UBR3: variants seen among roughly 807,000 people sequenced by gnomAD.
The protein encoded by UBR3 is E3 ubiquitin-protein ligase UBR3.
Under a neutral mutation model 243.2 loss-of-function variants are expected in UBR3, and 85 were observed. The ratio of observed to expected loss-of-function variants is 0.35; its 90% confidence interval spans 0.29 to 0.42. The LOEUF is 0.42. Ranked by LOEUF, UBR3 falls within the 10% of genes least tolerant of loss-of-function variation. The probability of loss-of-function intolerance (pLI) is 1.00; values close to 1 mark genes in which losing one functional copy is unlikely to be tolerated. For missense variants in UBR3, 1,686 were observed against 2,300.8 expected (o/e 0.73, Z 5.47); for synonymous variants, 748 against 799.8 (o/e 0.94, Z 1.09).
intron 5 of UBR3, among the ~76,000 whole-genome samples, chr2:169,890,372 T>G (rs1263312291): frequency 6.6e-6 from 1 of 151,660 alleles, no homozygotes; most frequent in Non-Finnish European, 1.5e-5. Flanking sequence ...AACCACCACA[T>G]GATGTTTGCC....
intron 30 of UBR3, among the ~76,000 whole-genome samples, chr2:170,025,466 C>T (rs924303007): frequency 1.3e-5 from 2 of 151,852 alleles, no homozygotes; most frequent in Non-Finnish European, 2.9e-5. Flanking sequence ...AGACATGAGA[C>T]GACATGACAC....
At chr2:169,918,749 A>G (rs2085565570) in intron 11 of UBR3, among the ~76,000 whole-genome samples, 1 of 152,192 alleles carries the variant, frequency 6.6e-6, no homozygotes, top group Non-Finnish European at 1.5e-5. Flanking sequence ...TAGGGCAACA[A>G]TTGTGAGTTT....
intron 5 of UBR3, among the ~76,000 whole-genome samples, chr2:169,884,865 G>A (rs2084029554): frequency 6.6e-6 from 1 of 152,016 alleles, no homozygotes; most frequent in Non-Finnish European, 1.5e-5. Context: ...TATTAAAATG[G>A]TCAAAATGCA....
intron 24 of UBR3, among the ~76,000 whole-genome samples, chr2:169,970,399 G>A (rs201522044): frequency 8.3e-6 from 1 of 120,748 alleles, no homozygotes; most frequent in African/African-American, 3.1e-5. Flanking sequence ...TGTATACATT[G>A]TGTCATGCTG....
intron 32 of UBR3, among the ~76,000 whole-genome samples, chr2:170,043,453 A>G (rs1213419578): frequency 6.6e-6 from 1 of 152,228 alleles, no homozygotes; most frequent in Non-Finnish European, 1.5e-5. Context: ...TAAAAACTAT[A>G]TCATAAAGTG....
chr2:169,998,829 C>T (rs1444727883), intron 26 of UBR3, among the ~76,000 whole-genome samples: 1 of 152,118 alleles, frequency 6.6e-6, no homozygotes, highest in African/African-American at 2.4e-5. Flanking sequence ...AGAGAAGGAA[C>T]CTGAGCTGTG....
intron 26 of UBR3, among the ~76,000 whole-genome samples, chr2:169,995,089 T>A (rs1284381051): frequency 6.6e-6 from 1 of 152,116 alleles, no homozygotes; most frequent in African/African-American, 2.4e-5. Flanking sequence ...CATATTAATT[T>A]TTTTAATTTA....
intron 23 of UBR3, 133 bp downstream of exon 23, chr2:169,950,198 T>C: frequency 1.2e-6 from 1 of 825,706 alleles, no homozygotes; most frequent in South Asian, 2.1e-5. Flanking sequence ...GTAACATAAA[T>C]GGAATGGAGC....
At chr2:169,947,787 C>G (rs1574263684) in intron 22 of UBR3, 72 bp downstream of exon 22, 1 of 1,257,380 alleles carries the variant, frequency 8.0e-7, no homozygotes, top group Non-Finnish European at 1.0e-6. Flanking sequence ...ATATACTGTT[C>G]CTATAATATC....
intron 8 of UBR3, among the ~76,000 whole-genome samples, chr2:169,899,659 G>T (rs1004714933): frequency 1.3e-5 from 2 of 150,602 alleles, no homozygotes; most frequent in African/African-American, 4.9e-5. Flanking sequence ...TCCTCCCCCC[G>T]CCCCTTGCCC....
chr2:169,928,589 G>A (rs2085998284), intron 17 of UBR3, 138 bp from the exon 18 acceptor site: 1 of 524,826 alleles, frequency 1.9e-6, no homozygotes, highest in East Asian at 2.9e-5. Context: ...GTATTATATA[G>A]CCCTCTTGTG....
intron 1 of UBR3, among the ~76,000 whole-genome samples, chr2:169,838,704 A>G (rs1379670111): frequency 6.6e-6 from 1 of 152,186 alleles, no homozygotes; most frequent in Non-Finnish European, 1.5e-5. Flanking sequence ...ACATACAAAT[A>G]CATTCATTCC....
At chr2:169,909,183 A>G (rs955580082) in intron 10 of UBR3, among the ~76,000 whole-genome samples, 1 of 152,192 alleles carries the variant, frequency 6.6e-6, no homozygotes, top group African/African-American at 2.4e-5. Flanking sequence ...TTGGAGTTGG[A>G]GAGATAGGCA....
At chr2:170,081,650 G>GAA in intron 38 of UBR3, 76 bp from the exon 39 acceptor site, 2 of 1,158,576 alleles carry the variant, frequency 1.7e-6, no homozygotes, top group Non-Finnish European at 2.4e-6. Context: ...GACTGTCTCA[G>GAA]AAAAAAAAGA....
At chr2:169,831,634 G>A (rs1043752787) in intron 1 of UBR3, among the ~76,000 whole-genome samples, 29 of 151,976 alleles carry the variant, frequency 1.9e-4, no homozygotes, top group Non-Finnish European at 1.6e-4. Flanking sequence ...ATTTTCCTGG[G>A]CTATACAGCT....
In UBR3 at chr2:169,947,523, A is replaced by G; in HGVS notation, c.2911-19A>G. The stretch of plus-strand genomic sequence containing the variant: ...CGTGATGTGGCAAGACTTGATATTC[A>G]TTTTTTTTTTTATTTTAGGCATCAG... On this transcript the variant is annotated intron_variant, in intron 21 of 38. Coordinates refer to ENST00000272793, the MANE Select transcript of UBR3 (RefSeq NM_172070.4). 1 of 1,122,260 alleles carries G rather than the reference A, an allele frequency of 8.9e-7. No homozygotes were observed. The allele number at this position is 1,122,260 out of a possible 1,614,324, so 69.5% of individuals were successfully genotyped here. A position where few individuals can be genotyped will look rare whatever the true frequency, so the allele number is the denominator to read the frequency against.
chr2:170,032,339 G>A (rs1397750595), intron 31 of UBR3, among the ~76,000 whole-genome samples: 1 of 152,026 alleles, frequency 6.6e-6, no homozygotes, highest in Non-Finnish European at 1.5e-5. Flanking sequence ...GGAACACTGG[G>A]GGAATCATAG....
chr2:169,911,582 A>G (rs2085256160), intron 10 of UBR3, among the ~76,000 whole-genome samples: 1 of 152,130 alleles, frequency 6.6e-6, no homozygotes, highest in Admixed American at 6.6e-5. Flanking sequence ...GGAGAGAGAC[A>G]ATCAGAACAT....
At chr2:169,907,035 TC>T (rs370193530) in intron 10 of UBR3, among the ~76,000 whole-genome samples, 3 of 141,578 alleles carry the variant, frequency 2.1e-5, no homozygotes, top group African/African-American at 8.2e-5. Context: ...CAAATTTCTT[TC>T]TTTTTTTTTT....
Sources: allele counts gnomAD v4.1 joint callset (sites outside exome capture counted in the v4.1 genomes callset), GRCh38; gene constraint gnomAD v4.1.1; transcripts MANE v1.5; gene names NCBI Gene and HGNC (gene_info 2026-07-23, HGNC 2026-07-21).